Variants in BLTP1 observed in about 807,000 individuals in gnomAD.
BLTP1 encodes fragile site-associated protein.
At chr4:122,247,449 G>A in the BLTP1 span, 148 of 1,407,970 alleles carry the variant, frequency 1.1e-4, no homozygotes, top group African/African-American at 1.9e-3. Context: ...TTTGACTATT[G>A]CTACAATTCG....
At chr4:122,228,832 C>T in the BLTP1 span, among the ~76,000 whole-genome samples, 1 of 152,176 alleles carries the variant, frequency 6.6e-6, no homozygotes, top group Non-Finnish European at 1.5e-5. Context: ...TGCTTATCCT[C>T]TCTAGTTTCA....
chr4:122,264,195 T>A, the BLTP1 span: 1 of 1,498,316 alleles, frequency 6.7e-7, no homozygotes, highest in Non-Finnish European at 8.9e-7. Context: ...TGTACACTTT[T>A]ATGTGTTTCT....
the BLTP1 span, chr4:122,223,030 A>G: frequency 1.1e-6 from 1 of 879,098 alleles, no homozygotes; most frequent in Non-Finnish European, 1.4e-6. Flanking sequence ...TCAGCGTCAG[A>G]AGATAACTTT....
At chr4:122,335,184 G>T in the BLTP1 span, among the ~76,000 whole-genome samples, 1 of 151,994 alleles carries the variant, frequency 6.6e-6, no homozygotes. Context: ...CTTCTTGAGT[G>T]TTCTCATGAT....
chr4:122,254,810 T>A, the BLTP1 span: 3 of 1,558,550 alleles, frequency 1.9e-6, no homozygotes, highest in African/African-American at 4.2e-5. Context: ...AAAAGGCAGC[T>A]GAACCTTTTA....
At chr4:122,243,341 G>A in the BLTP1 span, 65 of 894,312 alleles carry the variant, frequency 7.3e-5, no homozygotes, top group African/African-American at 1.1e-3. Context: ...AGGTACATCA[G>A]GTAAATATAT....
the BLTP1 span, among the ~76,000 whole-genome samples, chr4:122,284,026 G>A: frequency 4.6e-5 from 7 of 152,060 alleles, no homozygotes; most frequent in South Asian, 2.1e-4. Context: ...GTTTTTGTGC[G>A]TCTTTTACAA....
chr4:122,251,667 C>T, the BLTP1 span: 4 of 918,188 alleles, frequency 4.4e-6, no homozygotes, highest in Non-Finnish European at 3.9e-6. Context: ...TTCTTGATCT[C>T]TCAGATCCTA....
At chr4:122,340,837 A>G in the BLTP1 span, 1 of 953,456 alleles carries the variant, frequency 1.0e-6, no homozygotes, top group Non-Finnish European at 1.2e-6. Flanking sequence ...ATAGAAAATG[A>G]AAAGTACTAA....
the BLTP1 span, among the ~76,000 whole-genome samples, chr4:122,201,498 A>G: frequency 1.3e-5 from 2 of 152,196 alleles, no homozygotes; most frequent in African/African-American, 4.8e-5. Flanking sequence ...ACACAACAGT[A>G]TACGCAAATA....
At chr4:122,293,285 T>C in the BLTP1 span, 7 of 528,854 alleles carry the variant, frequency 1.3e-5, no homozygotes, top group Non-Finnish European at 1.7e-5. Flanking sequence ...CACAGAGGAA[T>C]GAAAATGGTG....
the BLTP1 span, chr4:122,236,674 T>A: frequency 1.3e-6 from 1 of 743,264 alleles, no homozygotes. Flanking sequence ...AGATTAACCA[T>A]CACAAACTCA....
At chr4:122,334,521 C>T in the BLTP1 span, 56 of 1,612,564 alleles carry the variant, frequency 3.5e-5, no homozygotes, top group Non-Finnish European at 4.7e-5. Context: ...CTTACTTCCT[C>T]CCCAGCCCCC....
chr4:122,235,258 TG>T, the BLTP1 span: 1 of 715,444 alleles, frequency 1.4e-6, no homozygotes, highest in Non-Finnish European at 1.7e-6. Context: ...TTGACGTGGG[TG>T]GCTTTCCTCA....
At chr4:122,244,921 A>T in the BLTP1 span, 1 of 1,380,732 alleles carries the variant, frequency 7.2e-7, no homozygotes, top group Admixed American at 2.1e-5. Context: ...CAATTGTTGT[A>T]CATATTCAGA....
At chr4:122,184,711 A>G in the BLTP1 span, 8 of 985,336 alleles carry the variant, frequency 8.1e-6, no homozygotes, top group Non-Finnish European at 9.6e-6. Flanking sequence ...CTGGTTTAAC[A>G]ACTGGTACTA....
chr4:122,333,725 C>A, the BLTP1 span: 5 of 1,612,034 alleles, frequency 3.1e-6, no homozygotes, highest in East Asian at 2.2e-5. Context: ...ATTTAATGAC[C>A]GGCAAGAAAG....
At chr4:122,166,643 G>C in the BLTP1 span, among the ~76,000 whole-genome samples, 4 of 152,172 alleles carry the variant, frequency 2.6e-5, no homozygotes, top group Non-Finnish European at 4.4e-5. Flanking sequence ...GGATGGCATT[G>C]AATCTGTAAA....
chr4:122,189,196 T>C, the BLTP1 span: 1 of 794,774 alleles, frequency 1.3e-6, no homozygotes, highest in African/African-American at 1.9e-5. Context: ...TACATGATGA[T>C]ATTAAACATT....
Sources: allele counts gnomAD v4.1 joint callset (sites outside exome capture counted in the v4.1 genomes callset), GRCh38; gene constraint gnomAD v4.1.1; transcripts MANE v1.5; gene names NCBI Gene and HGNC (gene_info 2026-07-23, HGNC 2026-07-21).